Variants in HDAC4 observed in about 807,000 individuals in gnomAD.
The protein encoded by HDAC4 is histone deacetylase 4, also known as histone deacetylase A.
A neutral mutation model predicts 135.1 loss-of-function variants in HDAC4; 16 were observed. That is an observed-to-expected ratio of 0.12 (90% CI 0.08 to 0.18). The LOEUF (loss-of-function observed/expected upper bound fraction) is 0.18, where lower values mean the gene tolerates loss of function less well. Ranked by LOEUF, HDAC4 falls within the 10% of genes least tolerant of loss-of-function variation. The pLI, the probability that HDAC4 is intolerant of heterozygous loss-of-function variation, is 1.00. For synonymous variants in HDAC4, 685 were observed against 653.4 expected (o/e 1.05, Z -0.74); for missense variants, 1,143 against 1,511.8 (o/e 0.76, Z 4.05).
Position 239,111,506 on chromosome 2 carries a change from G to C in HDAC4, c.1978+20C>G. ...GTGGCCCGCGTTGCACCCTCAGGCTGCACAAAGGCCACGTGTTACCTGTCG... is the reference window on the plus strand; with the variant it reads ...GTGGCCCGCGTTGCACCCTCAGGCTCCACAAAGGCCACGTGTTACCTGTCG... On this transcript the variant is annotated intron_variant, in intron 14 of 26. Coordinates refer to ENST00000543185, the MANE Select transcript of HDAC4 (RefSeq NM_001378414.1). The C allele has an allele frequency of 6.2e-7, 1 of 1,606,852 alleles. No homozygotes were observed. The highest frequency in any genetic ancestry group is 1.1e-5 in the South Asian group (1 of 89,868).
intron 2 of HDAC4, among the ~76,000 whole-genome samples, chr2:239,317,742 T>C (rs1276289126): frequency 1.3e-5 from 2 of 152,184 alleles, no homozygotes; most frequent in Admixed American, 6.5e-5. Flanking sequence ...TTTCACGTTG[T>C]CCACAGGTTC....
rs563295678 is a variant in HDAC4, at chr2:239,278,544, G to A, written c.23-41880C>T. 1.8e-3 allele frequency among the ~76,000 whole-genome samples: 274 copies of A among 152,260 alleles called. 1 individual carries two copies. The highest frequency in any genetic ancestry group is 6.2e-3 in the African/African-American group (259 of 41,564). ...ACAAAAATTAGCCGGGCATGGTGATGAGCAGCTGTAGTCCCAGCTACTCAG... is the reference window on the plus strand; with the variant it reads ...ACAAAAATTAGCCGGGCATGGTGATAAGCAGCTGTAGTCCCAGCTACTCAG... On this transcript the variant is annotated intron_variant, in intron 2 of 26. Transcript: ENST00000543185.
intron 1 of HDAC4, among the ~76,000 whole-genome samples, chr2:239,362,134 C>A (rs889058844): frequency 3.3e-5 from 5 of 152,178 alleles, no homozygotes; most frequent in Non-Finnish European, 7.4e-5. Flanking sequence ...AGCCACAGAG[C>A]CTGTGATTTT....
intron 4 of HDAC4, among the ~76,000 whole-genome samples, chr2:239,189,230 A>G (rs1194251924): frequency 6.6e-6 from 1 of 152,254 alleles, no homozygotes; most frequent in Non-Finnish European, 1.5e-5. Flanking sequence ...TTATAATCAC[A>G]GATATCATAA....
intron 2 of HDAC4, among the ~76,000 whole-genome samples, chr2:239,296,564 G>A (rs935731365): frequency 6.6e-6 from 1 of 152,222 alleles, no homozygotes; most frequent in East Asian, 1.9e-4. Context: ...AATGCTGGCC[G>A]GCATTTAAGA....
intron 3 of HDAC4, among the ~76,000 whole-genome samples, chr2:239,198,189 G>A (rs992263165): frequency 3.3e-5 from 5 of 152,078 alleles, no homozygotes; most frequent in African/African-American, 1.2e-4. Flanking sequence ...GCTCTCCACC[G>A]TCCCTGCAAA....
chr2:239,384,753 TCTGTCCC>T (rs1347529806), intron 1 of HDAC4, among the ~76,000 whole-genome samples: 1 of 152,220 alleles, frequency 6.6e-6, no homozygotes, highest in African/African-American at 2.4e-5. Flanking sequence ...ACCCCACGGC[TCTGTCCC>T]CTGCTTCTGA....
chr2:239,341,277 G>A (rs184320594), intron 2 of HDAC4, among the ~76,000 whole-genome samples: 3 of 152,362 alleles, frequency 2.0e-5, no homozygotes, highest in Admixed American at 6.5e-5. Context: ...CTTTGCTCCC[G>A]CACAGCCACA....
chr2:239,172,813 T>A (rs1454127565), intron 5 of HDAC4, among the ~76,000 whole-genome samples: 1 of 150,582 alleles, frequency 6.6e-6, no homozygotes, highest in Non-Finnish European at 1.5e-5. Context: ...ATATCTGGAG[T>A]GTAAAAGAGG....
chr2:239,235,408 T>TAA (rs1461841981), intron 3 of HDAC4, among the ~76,000 whole-genome samples: 2 of 152,216 alleles, frequency 1.3e-5, no homozygotes, highest in Non-Finnish European at 2.9e-5. Context: ...TGAGTGGGTC[T>TAA]AACTGGGGCA....
At chr2:239,209,077 C>T (rs542355085) in intron 3 of HDAC4, among the ~76,000 whole-genome samples, 6 of 152,244 alleles carry the variant, frequency 3.9e-5, no homozygotes, top group Admixed American at 6.5e-5. Flanking sequence ...GAGGGGGTTT[C>T]GCCATGTTGC....
chr2:239,257,682 A>G (rs1351686300), intron 2 of HDAC4, among the ~76,000 whole-genome samples: 1 of 152,174 alleles, frequency 6.6e-6, no homozygotes, highest in Non-Finnish European at 1.5e-5. Flanking sequence ...GTGATGACTC[A>G]TTGCTAGGGC....
chr2:239,300,696 T>G (rs1381190388), intron 2 of HDAC4, among the ~76,000 whole-genome samples: 1 of 152,194 alleles, frequency 6.6e-6, no homozygotes, highest in African/African-American at 2.4e-5. Flanking sequence ...ATAGCACACC[T>G]TTGTTTCCCG....
Position 239,134,695 on chromosome 2 carries a change from G to A in HDAC4, c.979-52C>T, listed in dbSNP as rs763899721. The A allele has an allele frequency of 1.5e-5, 20 of 1,330,008 alleles. No individual in the cohort carries two copies. The African/African-American group carries it at 2.7e-4, about 18-fold the overall frequency. 82.4% of individuals were successfully genotyped at this position (1,330,008 alleles called of 1,614,324 possible). ...CACAGTCTGTCACGGCCAAACATCAGCAATATACACCAAGAAAAACAACGA... is the reference window on the plus strand; with the variant it reads ...CACAGTCTGTCACGGCCAAACATCAACAATATACACCAAGAAAAACAACGA... On this transcript the variant is annotated intron_variant, in intron 9 of 26. Coordinates refer to ENST00000543185, the MANE Select transcript of HDAC4 (RefSeq NM_001378414.1).
chr2:239,256,706 C>T (rs1028631153), intron 2 of HDAC4, among the ~76,000 whole-genome samples: 18 of 152,204 alleles, frequency 1.2e-4, no homozygotes, highest in African/African-American at 4.3e-4. Flanking sequence ...ACTGGATGGG[C>T]AGATGACTGG....
chr2:239,052,216 C>A lies in HDAC4; in HGVS notation c.*881G>T, dbSNP rs1428428675. The A allele has an allele frequency of 6.6e-6, 1 of 152,344 alleles. No individual in the cohort carries two copies. The highest frequency in any genetic ancestry group is 2.4e-5 in the African/African-American group (1 of 41,444). The allele number at this position is 152,344 out of a possible 1,614,324, so 9.4% of individuals were successfully genotyped here. ...AAACAGCAATAAAGCAAAACAGGGA[C>A]CGCCGGGCTGCAGCCCCTGGCCCCG... On this transcript the variant is annotated 3_prime_UTR_variant, in exon 27 of 27. Transcript: ENST00000543185.
intron 9 of HDAC4, among the ~76,000 whole-genome samples, chr2:239,138,690 C>T (rs934004258): frequency 1.3e-5 from 2 of 152,222 alleles, no homozygotes; most frequent in Non-Finnish European, 2.9e-5. Context: ...CCTCTCTCTT[C>T]TTCCCCGTGC....
intron 11 of HDAC4, among the ~76,000 whole-genome samples, chr2:239,133,213 A>G (rs1354762501): frequency 1.3e-5 from 2 of 152,100 alleles, no homozygotes; most frequent in East Asian, 3.9e-4. Flanking sequence ...AAAACACCAA[A>G]ATCCACCAGA....
intron 24 of HDAC4, among the ~76,000 whole-genome samples, chr2:239,058,562 C>T (rs1026294545): frequency 2.0e-5 from 3 of 152,150 alleles, no homozygotes. Context: ...CAAACCTGGC[C>T]AAAGGGCAGC....
Sources: allele counts gnomAD v4.1 joint callset (sites outside exome capture counted in the v4.1 genomes callset), GRCh38; gene constraint gnomAD v4.1.1; transcripts MANE v1.5; gene names NCBI Gene and HGNC (gene_info 2026-07-23, HGNC 2026-07-21).